GGA2: variants seen among roughly 807,000 people sequenced by gnomAD.
GGA2 encodes the protein golgi associated, gamma adaptin ear containing, ARF binding protein 2.
Under a neutral mutation model 79.5 loss-of-function variants are expected in GGA2, and 48 were observed. That is an observed-to-expected ratio of 0.60 (90% CI 0.48 to 0.77). GGA2 has a LOEUF of 0.77. Ranked by LOEUF, GGA2 falls within the 30% of genes least tolerant of loss-of-function variation. The pLI is 0.00. For synonymous variants in GGA2, 317 were observed against 302.0 expected (o/e 1.05, Z -0.51); for missense variants, 770 against 774.0 (o/e 0.99, Z 0.06).
At chr16:23,507,152 T>C (rs1964982348) in intron 1 of GGA2, among the ~76,000 whole-genome samples, 1 of 152,162 alleles carries the variant, frequency 6.6e-6, no homozygotes, top group Non-Finnish European at 1.5e-5. Context: ...CCCACACATT[T>C]ATTCTGCCTG....
chr16:23,474,540 TAG>T (rs1056664116), intron 14 of GGA2, among the ~76,000 whole-genome samples: 5 of 152,004 alleles, frequency 3.3e-5, no homozygotes, highest in East Asian at 1.9e-4. Flanking sequence ...GTATTTTTTG[TAG>T]AGAGAGGGCT....
Position 23,510,494 on chromosome 16 carries a change from C to A in GGA2, c.-83G>T, listed in dbSNP as rs967488795. On this transcript the variant is annotated 5_prime_UTR_variant, in exon 1 of 17. Transcript: ENST00000309859. ...TCCTGGCGCTCTCCTCTGCTGACTG[C>A]GCGGCAGGAGCGGTGGACACGTGAC... 8.0e-6 allele frequency: 4 copies of A among 502,838 alleles called. No homozygotes were observed. The highest frequency in any genetic ancestry group is 2.0e-5 in the African/African-American group (1 of 50,120). 31.1% of individuals were successfully genotyped at this position (502,838 alleles called of 1,614,324 possible).
chr16:23,488,239 C>G (rs1964739851), intron 6 of GGA2, among the ~76,000 whole-genome samples: 1 of 152,124 alleles, frequency 6.6e-6, no homozygotes, highest in Non-Finnish European at 1.5e-5. Flanking sequence ...TCTGCACCTT[C>G]TTTCCCCCAG....
intron 1 of GGA2, among the ~76,000 whole-genome samples, chr16:23,520,078 C>G (rs1361126412): frequency 6.6e-6 from 1 of 151,948 alleles, no homozygotes; most frequent in Middle Eastern, 3.2e-3. Context: ...GAAACCCCGT[C>G]TCTACTAAAA....
intron 1 of GGA2, among the ~76,000 whole-genome samples, chr16:23,506,268 G>A (rs184402460): frequency 5.7e-4 from 86 of 151,984 alleles, no homozygotes; most frequent in Admixed American, 1.7e-3. Context: ...TCAATCCCAC[G>A]ACCCCCTTAT....
chr16:23,476,308 C>A (rs1964576280), intron 13 of GGA2, among the ~76,000 whole-genome samples: 1 of 152,182 alleles, frequency 6.6e-6, no homozygotes, highest in African/African-American at 2.4e-5. Context: ...CCACTTCTGC[C>A]TGAGCCTGGT....
intron 14 of GGA2, among the ~76,000 whole-genome samples, 171 bp from the exon 15 acceptor site, chr16:23,470,336 T>A (rs1596974502): frequency 6.6e-6 from 1 of 152,300 alleles, no homozygotes; most frequent in East Asian, 1.9e-4. Context: ...TGACTCTAGC[T>A]GGACTCCTAT....
intron 1 of GGA2, among the ~76,000 whole-genome samples, chr16:23,507,029 CT>C (rs1457929226): frequency 2.0e-5 from 3 of 152,082 alleles, no homozygotes; most frequent in African/African-American, 7.2e-5. Context: ...ACATGTCCCC[CT>C]CTCCTTCTAA....
Position 23,465,738 on chromosome 16 carries a change from C to T in GGA2, c.*1852G>A, listed in dbSNP as rs933144823. 5 of 234,648 alleles carry T rather than the reference C, an allele frequency of 2.1e-5. No individual in the cohort carries two copies. The South Asian group carries it at 3.2e-4, about 15-fold the overall frequency. The allele number at this position is 234,648 out of a possible 1,614,324, so 14.5% of individuals were successfully genotyped here. ...GGCGGATCACCTGAGGTCAGGAGTT[C>T]GAGACCAGCCTGGCCAACATGGTGA... is the stretch of plus-strand genomic sequence containing the variant. On this transcript the variant is annotated 3_prime_UTR_variant, in exon 17 of 17. Coordinates refer to ENST00000309859, the MANE Select transcript of GGA2 (RefSeq NM_015044.4).
intron 8 of GGA2, 123 bp downstream of exon 8, chr16:23,485,891 TG>T: frequency 1.2e-6 from 1 of 856,138 alleles, no homozygotes; most frequent in Non-Finnish European, 1.9e-6. Context: ...CAACGACATT[TG>T]GGGAGGTGTC....
chr16:23,513,275 G>C (rs1006408944), upstream of GGA2, among the ~76,000 whole-genome samples: 6 of 66,284 alleles, frequency 9.1e-5, no homozygotes, highest in African/African-American at 2.4e-4. Context: ...CGAGTACTTT[G>C]AACTCAAAGA....
intron 1 of GGA2, among the ~76,000 whole-genome samples, chr16:23,521,529 G>C (rs1296404958): frequency 1.3e-5 from 2 of 151,898 alleles, no homozygotes. Context: ...CTCCCAAGTA[G>C]CTGGGACTAC....
intron 1 of GGA2, among the ~76,000 whole-genome samples, chr16:23,501,801 T>C (rs1344015571): frequency 6.6e-6 from 1 of 152,260 alleles, no homozygotes. Context: ...AGGAAACATC[T>C]TCAAGTTAGC....
chr16:23,499,634 G>GA (rs1964897914), intron 1 of GGA2, among the ~76,000 whole-genome samples: 1 of 151,958 alleles, frequency 6.6e-6, no homozygotes, highest in East Asian at 1.9e-4. Context: ...GCCGAGGCGG[G>GA]AAGATCCCGA....
Position 23,510,450 on chromosome 16 carries a change from C to T in GGA2, c.-39G>A, listed in dbSNP as rs1965028772. The T allele has an allele frequency of 2.6e-5, 21 of 804,620 alleles. No individual in the cohort carries two copies. Among genetic ancestry groups the T allele is most frequent in the Non-Finnish European group, 3.6e-5 (21 of 581,528 alleles). 49.8% of individuals were successfully genotyped at this position (804,620 alleles called of 1,614,324 possible). A position where few individuals can be genotyped will look rare whatever the true frequency, so the allele number is the denominator to read the frequency against. Reference sequence around the variant, plus strand: ...ACGCTGCGGCCGCGGGCGCCACTGCCTCTTCAGCCGCTGTAGCGTCCTGGC... The same window carrying T: ...ACGCTGCGGCCGCGGGCGCCACTGCTTCTTCAGCCGCTGTAGCGTCCTGGC... On this transcript the variant is annotated 5_prime_UTR_variant, in exon 1 of 17. Transcript: ENST00000309859.
intron 5 of GGA2, among the ~76,000 whole-genome samples, chr16:23,489,878 A>G (rs1964761096): frequency 6.6e-6 from 1 of 152,050 alleles, no homozygotes. Flanking sequence ...AACAGGGGAG[A>G]AAAAACAAAA....
chr16:23,487,576 C>A (rs1964731014), intron 6 of GGA2, among the ~76,000 whole-genome samples: 2 of 152,120 alleles, frequency 1.3e-5, no homozygotes, highest in Admixed American at 6.6e-5. Flanking sequence ...AGCAGGATGC[C>A]TGGCACAGAG....
intron 11 of GGA2, 39 bp from the exon 12 acceptor site, chr16:23,478,950 TC>T: frequency 7.2e-7 from 1 of 1,386,088 alleles, no homozygotes; most frequent in Non-Finnish European, 1.0e-6. Context: ...TAACAGTAAC[TC>T]CACCTGCTTC....
chr16:23,468,853 C>G lies in GGA2; in HGVS notation c.1731+33G>C, dbSNP rs200028402. 11 of 1,346,750 alleles carry G rather than the reference C, an allele frequency of 8.2e-6. No homozygotes were observed. In the African/African-American group the frequency reaches 1.6e-4, roughly 19 times the overall value. 83.4% of individuals were successfully genotyped at this position (1,346,750 alleles called of 1,614,324 possible). ...CCTCCCCTTACAGTTCAGGGGCCCC[C>G]ATCTCCCTGCTACCACAGACACTGG... On this transcript the variant is annotated intron_variant, in intron 16 of 16. Coordinates refer to ENST00000309859, the MANE Select transcript of GGA2 (RefSeq NM_015044.4).
Sources: allele counts gnomAD v4.1 joint callset (sites outside exome capture counted in the v4.1 genomes callset), GRCh38; gene constraint gnomAD v4.1.1; transcripts MANE v1.5; gene names NCBI Gene and HGNC (gene_info 2026-07-23, HGNC 2026-07-21).